The following SGCZ variants were observed in gnomAD, a reference collection of about 807,000 sequenced individuals.
SGCZ encodes the protein zeta-sarcoglycan.
A neutral mutation model predicts 41.3 loss-of-function variants in SGCZ; 40 were observed. That is an observed-to-expected ratio of 0.97 (90% confidence interval 0.75 to 1.26). The LOEUF (loss-of-function observed/expected upper bound fraction) is 1.26, where lower values mean the gene tolerates loss of function less well. Ranked by LOEUF, SGCZ falls within the 50% of genes most tolerant of loss-of-function variation. SGCZ has a pLI of 0.00. For synonymous variants in SGCZ, 206 were observed against 137.5 expected, an observed-to-expected ratio of 1.50 and a Z score of -3.49; for missense variants, 552 against 369.8, an observed-to-expected ratio of 1.49 and a Z score of -4.04.
At chr8:14,588,601 T>C (rs1805140280) in intron 1 of SGCZ, among the ~76,000 whole-genome samples, 1 of 151,398 alleles carries the variant, frequency 6.6e-6, no homozygotes. Context: ...GCAAATAAAA[T>C]AAAGTAAAAA....
chr8:14,294,751 G>GA (rs1333182114), intron 3 of SGCZ, among the ~76,000 whole-genome samples: 1 of 151,890 alleles, frequency 6.6e-6, no homozygotes, highest in Non-Finnish European at 1.5e-5. Flanking sequence ...TAATAAATGA[G>GA]AAAAATATTC....
chr8:15,224,037 G>A (rs1390081555), intron 1 of SGCZ, among the ~76,000 whole-genome samples: 1 of 151,998 alleles, frequency 6.6e-6, no homozygotes, highest in African/African-American at 2.4e-5. Context: ...TGTATTTTTA[G>A]TAGAAACGGG....
chr8:14,347,205 G>A (rs899970801), intron 2 of SGCZ, among the ~76,000 whole-genome samples: 4 of 151,998 alleles, frequency 2.6e-5, no homozygotes, highest in African/African-American at 9.7e-5. Flanking sequence ...ATTTGATAGA[G>A]CCTGGCATCA....
At chr8:14,785,265 T>A (rs1776911950) in intron 1 of SGCZ, among the ~76,000 whole-genome samples, 1 of 151,868 alleles carries the variant, frequency 6.6e-6, no homozygotes, top group African/African-American at 2.4e-5. Flanking sequence ...CCAATAAAAG[T>A]TATTTCAAAA....
At chr8:14,888,186 A>T (rs1804880444) in intron 1 of SGCZ, among the ~76,000 whole-genome samples, 1 of 152,182 alleles carries the variant, frequency 6.6e-6, no homozygotes, top group African/African-American at 2.4e-5. Context: ...AAAGCAAAAG[A>T]CCAATACACA....
intron 3 of SGCZ, among the ~76,000 whole-genome samples, chr8:14,284,879 T>C (rs1467700111): frequency 6.6e-6 from 1 of 152,208 alleles, no homozygotes; most frequent in Non-Finnish European, 1.5e-5. Flanking sequence ...GTTTTTTCTG[T>C]TGTCTGCTTT....
chr8:14,210,960 C>T (rs772298347), intron 4 of SGCZ, among the ~76,000 whole-genome samples: 8 of 152,128 alleles, frequency 5.3e-5, no homozygotes, highest in Non-Finnish European at 1.0e-4. Flanking sequence ...TTTGGCAAGA[C>T]TCTGCATTGG....
intron 1 of SGCZ, among the ~76,000 whole-genome samples, chr8:14,572,190 C>T (rs995664065): frequency 6.6e-6 from 1 of 152,128 alleles, no homozygotes; most frequent in Non-Finnish European, 1.5e-5. Context: ...TTTTACTGCT[C>T]TCTACCAGAT....
intron 3 of SGCZ, among the ~76,000 whole-genome samples, chr8:14,245,974 T>C (rs905866332): frequency 1.1e-4 from 17 of 152,076 alleles, no homozygotes; most frequent in African/African-American, 3.4e-4. Context: ...TGTGGAAAAA[T>C]AGGTACACTT....
chr8:14,092,808 C>T (rs545808089), intron 7 of SGCZ, among the ~76,000 whole-genome samples: 2 of 151,956 alleles, frequency 1.3e-5, no homozygotes, highest in Non-Finnish European at 2.9e-5. Flanking sequence ...TACCCAGTCT[C>T]GGGTATGTCT....
At chr8:14,978,836 T>G (rs1243246876) in intron 1 of SGCZ, among the ~76,000 whole-genome samples, 2 of 152,182 alleles carry the variant, frequency 1.3e-5, no homozygotes, top group African/African-American at 4.8e-5. Context: ...TCTCAGTCTG[T>G]CACCCAGGCT....
intron 5 of SGCZ, among the ~76,000 whole-genome samples, chr8:14,121,119 T>C (rs1802683583): frequency 6.6e-6 from 1 of 152,108 alleles, no homozygotes; most frequent in Non-Finnish European, 1.5e-5. Context: ...AACAGAGCAA[T>C]AGATATCCTT....
At chr8:14,143,837 G>C (rs1803444845) in intron 5 of SGCZ, among the ~76,000 whole-genome samples, 1 of 152,138 alleles carries the variant, frequency 6.6e-6, no homozygotes, top group Admixed American at 6.5e-5. Flanking sequence ...CTCAGTGCTG[G>C]GTGAGGGATA....
Position 15,188,522 on chromosome 8 carries a change from T to C in SGCZ, c.39+49063A>G, listed in dbSNP as rs75618824. On this transcript the variant is annotated intron_variant, in intron 1 of 7. Transcript: ENST00000382080. ...CATGAAATGTGTTGAGATTGTTTCA[T>C]TTTGTTTTCACTCATTGACATGATT... Among the ~76,000 whole-genome samples the C allele has an allele frequency of 2.5e-3, 385 of 152,248 alleles. 1 individual carries two copies. The highest frequency in any genetic ancestry group is 8.7e-3 in the African/African-American group (360 of 41,574).
At chr8:14,839,145 G>A (rs1802811171) in intron 1 of SGCZ, among the ~76,000 whole-genome samples, 1 of 152,130 alleles carries the variant, frequency 6.6e-6, no homozygotes, top group Admixed American at 6.6e-5. Context: ...AGAATTGATG[G>A]TTGCTTAAAC....
At chr8:14,369,663 T>C (rs534342263) in intron 2 of SGCZ, among the ~76,000 whole-genome samples, 13 of 152,180 alleles carry the variant, frequency 8.5e-5, no homozygotes, top group African/African-American at 3.1e-4. Flanking sequence ...ATATTAATGA[T>C]TGTTCTTTTA....
chr8:14,433,657 G>A (rs1297711409), intron 2 of SGCZ, among the ~76,000 whole-genome samples: 2 of 151,950 alleles, frequency 1.3e-5, no homozygotes, highest in Admixed American at 6.6e-5. Flanking sequence ...AAATAAAAAA[G>A]GTGCAGCTTG....
At chr8:14,133,897 T>A (rs1207916721) in intron 5 of SGCZ, among the ~76,000 whole-genome samples, 1 of 152,194 alleles carries the variant, frequency 6.6e-6, no homozygotes, top group African/African-American at 2.4e-5. Flanking sequence ...TTTTCCAACA[T>A]TGACTACTTA....
At chr8:15,066,847 T>C (rs372904514) in intron 1 of SGCZ, among the ~76,000 whole-genome samples, 1 of 152,204 alleles carries the variant, frequency 6.6e-6, no homozygotes, top group Non-Finnish European at 1.5e-5. Context: ...AGAAGTATTA[T>C]AGTTGGAAAG....
Sources: allele counts gnomAD v4.1 joint callset (sites outside exome capture counted in the v4.1 genomes callset), GRCh38; gene constraint gnomAD v4.1.1; transcripts MANE v1.5; gene names NCBI Gene and HGNC (gene_info 2026-07-23, HGNC 2026-07-21).